HNRNPUL2: variants seen among roughly 807,000 people sequenced by gnomAD.
HNRNPUL2 encodes heterogeneous nuclear ribonucleoprotein U-like protein 2.
Under a neutral mutation model 102.2 loss-of-function variants are expected in HNRNPUL2, and 27 were observed. The observed-to-expected ratio is 0.26, with a 90% CI of 0.19 to 0.36. The LOEUF (loss-of-function observed/expected upper bound fraction) is 0.36. HNRNPUL2 is among the 10% of genes least tolerant of loss of function. HNRNPUL2 has a pLI of 1.00. For synonymous variants in HNRNPUL2, 458 were observed against 387.2 expected (o/e 1.18, Z -2.15); for missense variants, 936 against 981.1 (o/e 0.95, Z 0.61).
At position 62,726,963 on chromosome 11, in the gene HNRNPUL2, G is replaced by A. The variant is rs2083757845; in HGVS notation, c.194C>T (p.Ala65Val). ...CCCGCCCGGGCCGCCGCCCGACGCG[G>A]CCACAGGCCGAGGCTCCGCCTTGCA... ...GACKAEPRPVAASGGGPGGDE... is the reference protein window; with the variant it reads ...GACKAEPRPVVASGGGPGGDE... The change falls in exon 1 of 14, where the codon GCC becomes GTC. Residue 65 changes from alanine (A) to valine (V), a missense_variant. Physicochemically the swap from Ala to Val is moderately conservative, Grantham distance 64. Around this residue, in one of 2 missense-constraint regions of HNRNPUL2, gnomAD observed 327 missense variants for 268.1 expected, o/e 1.22. Coordinates refer to ENST00000301785, the MANE Select transcript of HNRNPUL2 (RefSeq NM_001079559.3). 1.4e-6 allele frequency: 2 copies of A among 1,446,938 alleles called. No homozygotes were observed. The highest frequency in any genetic ancestry group is 1.4e-5 in the South Asian group (1 of 72,832). The allele number at this position is 1,446,938 out of a possible 1,614,324, so 89.6% of individuals were successfully genotyped here. A position where few individuals can be genotyped will look rare whatever the true frequency, so the allele number is the denominator to read the frequency against.
chr11:62,717,748 C>T (rs543688108), intron 10 of HNRNPUL2, among the ~76,000 whole-genome samples: 1 of 152,134 alleles, frequency 6.6e-6, no homozygotes, highest in South Asian at 2.1e-4. Context: ...CCCAGCTACT[C>T]GGGAGGCTGA....
In HNRNPUL2 at chr11:62,713,681, AG is replaced by A. The variant is rs1267423312; in HGVS notation, c.*1617del. The stretch of plus-strand genomic sequence containing the variant: ...AGGGCAGTAACAGTGGGAGGAGGAG[AG>A]GAAGACCAAATCAGCCCACAATTTT... On this transcript the variant is annotated 3_prime_UTR_variant, in exon 14 of 14. Transcript: ENST00000301785. 6.6e-6 allele frequency: 1 copy of A among 152,302 alleles called. No homozygotes were observed. Among genetic ancestry groups the A allele is most frequent in the Non-Finnish European group, 1.5e-5 (1 of 68,112 alleles). The allele number at this position is 152,302 out of a possible 1,614,324, so 9.4% of individuals were successfully genotyped here. A position where few individuals can be genotyped will look rare whatever the true frequency, so the allele number is the denominator to read the frequency against.
At chr11:62,717,281 C>CA in intron 10 of HNRNPUL2, 92 bp from the exon 11 acceptor site, 1 of 919,012 alleles carries the variant, frequency 1.1e-6, no homozygotes, top group Non-Finnish European at 1.7e-6. Flanking sequence ...ATATGACTTT[C>CA]TATGCCTCAT....
Position 62,717,080 on chromosome 11 carries a change from C to T in HNRNPUL2, c.1890G>A (p.Arg630=), listed in dbSNP as rs1344229436. 6 of 1,614,068 alleles carry T rather than the reference C, an allele frequency of 3.7e-6. No individual in the cohort carries two copies. The highest frequency in any genetic ancestry group is 5.1e-6 in the Non-Finnish European group (6 of 1,180,048). Residue 630 remains arginine, a synonymous_variant, in exon 11 of 14, where the codon AGG becomes AGA. Coordinates refer to ENST00000301785, the MANE Select transcript of HNRNPUL2 (RefSeq NM_001079559.3). The part of the protein sequence containing the change: ...PIVTKYKEEA[R]KLLPPSEKRT... ...GCTTCTCGGAGGGGGGCAGAAGCTT[C>T]CTTGCCTCCTCCTTGTACTTAGTGA...
Position 62,722,352 on chromosome 11 carries a change from G to T in HNRNPUL2, c.1124C>A (p.Ser375Tyr). 1 of 1,613,770 alleles carries T rather than the reference G, an allele frequency of 6.2e-7. No homozygotes were observed. Among genetic ancestry groups the T allele is most frequent in the South Asian group, 1.1e-5 (1 of 91,068 alleles). ...ANFETEEVEL[S>Y]FSKNGEDLGV... is the part of the protein sequence containing the mutation. ...TAGGTCTTCTCCATTCTTGGAGAAG[G>T]AAAGTTCTACTTCTTCAGTCTCAAA... The change falls in exon 7 of 14, where the codon TCC (serine) becomes TAC (tyrosine). Residue 375 changes from serine (S) to tyrosine (Y), a missense_variant. Ser to Tyr is a moderately radical substitution (Grantham distance 144). Coordinates refer to ENST00000301785, the MANE Select transcript of HNRNPUL2 (RefSeq NM_001079559.3).
In HNRNPUL2 at chr11:62,715,584, T is replaced by G. The variant is rs377478883; in HGVS notation, c.2079A>C (p.Arg693=). The G allele has an allele frequency of 6.2e-7, 1 of 1,613,124 alleles. No homozygotes were observed. The highest frequency in any genetic ancestry group is 8.5e-7 in the Non-Finnish European group (1 of 1,179,262). The change falls in exon 13 of 14, where the codon CGA becomes CGC. Residue 693 remains arginine (R), a synonymous_variant. Coordinates refer to ENST00000301785, the MANE Select transcript of HNRNPUL2 (RefSeq NM_001079559.3). ...AAAATCGATCATAGTCTCCCCTGTA[T>G]CGATCATAGAAATTACGGTAACCCT... ...NRGGYRNFYD[R]YRGDYDRFYG... is the part of the protein sequence containing the mutation.
rs1205078272 is a variant in HNRNPUL2, at chr11:62,714,027, G to GAA, written c.*1270_*1271dup. ...ACACACAGGGAAAGCGCCCCAAAAG[G>GAA]AATTTTGTTTCTAGAAGTCGGGAAG... On this transcript the variant is annotated 3_prime_UTR_variant, in exon 14 of 14. Transcript: ENST00000301785. 4 of 152,262 alleles carry GAA rather than the reference G, an allele frequency of 2.6e-5. No homozygotes were observed. The East Asian group carries it at 5.8e-4, about 22-fold the overall frequency. 9.4% of individuals were successfully genotyped at this position (152,262 alleles called of 1,614,324 possible).
chr11:62,717,111 G>C lies in HNRNPUL2; in HGVS notation c.1859C>G (p.Pro620Arg), dbSNP rs374233501. 1 of 1,614,080 alleles carries C rather than the reference G, an allele frequency of 6.2e-7. No homozygotes were observed. The highest frequency in any genetic ancestry group is 8.5e-7 in the Non-Finnish European group (1 of 1,180,010). ...CTCCTCCTTGTACTTAGTGACAATGGGCTGAGCTTCCTCCTTCTCCAGCTC... is the reference window on the plus strand; with the variant it reads ...CTCCTCCTTGTACTTAGTGACAATGCGCTGAGCTTCCTCCTTCTCCAGCTC... The part of the protein sequence containing the change: ...YGELEKEEAQ[P>R]IVTKYKEEAR... Residue 620 changes from proline to arginine, a missense_variant, in exon 11 of 14, where the codon CCC becomes CGC. Physicochemically the swap from Pro to Arg is moderately radical, Grantham distance 103. Around this residue, in one of 2 missense-constraint regions of HNRNPUL2, gnomAD observed 609 missense variants for 713.0 expected, o/e 0.85. Transcript: ENST00000301785.
Position 62,722,594 on chromosome 11 carries a change from C to T in HNRNPUL2, c.1095+7G>A. Reference sequence around the variant, plus strand: ...TGTTATAACCCACAACTTTCAGGAGCACTTACAGCAAAGCAGCCAATAACA... The same window carrying T: ...TGTTATAACCCACAACTTTCAGGAGTACTTACAGCAAAGCAGCCAATAACA... On this transcript the variant is annotated splice_region_variant and intron_variant, in intron 6 of 13. Transcript: ENST00000301785. The T allele has an allele frequency of 6.2e-7, 1 of 1,605,218 alleles. No homozygotes were observed. The highest frequency in any genetic ancestry group is 1.1e-5 in the South Asian group (1 of 90,900).
chr11:62,720,529 T>C (rs1195288259), intron 9 of HNRNPUL2, among the ~76,000 whole-genome samples: 2 of 124,756 alleles, frequency 1.6e-5, no homozygotes, highest in African/African-American at 3.4e-5. Context: ...GGGTGGCGGC[T>C]GAGCAAGATT....
In HNRNPUL2 at chr11:62,717,043, G is replaced by C; in HGVS notation, c.1927C>G (p.Arg643Gly). Residue 643 changes from arginine (R) to glycine (G), a missense_variant, in exon 11 of 14, where the codon CGA (arginine) becomes GGA (glycine). By Grantham distance (125) the Arg-to-Gly change is moderately radical. Transcript: ENST00000301785. The part of the protein sequence containing the change: ...LPPSEKRTNR[R>G]NNRNKRNRQN... ...CGGTTACGCTTGTTTCGGTTGTTTC[G>C]GCGATTTGTCCGCTTCTCGGAGGGG... 1 of 1,613,908 alleles carries C rather than the reference G, an allele frequency of 6.2e-7. No homozygotes were observed. The highest frequency in any genetic ancestry group is 8.5e-7 in the Non-Finnish European group (1 of 1,180,004).
At position 62,727,347 on chromosome 11, in the gene HNRNPUL2, C is replaced by A. The variant is rs373065216; in HGVS notation, c.-191G>T. On this transcript the variant is annotated 5_prime_UTR_variant, in exon 1 of 14. Coordinates refer to ENST00000301785, the MANE Select transcript of HNRNPUL2 (RefSeq NM_001079559.3). ...CGCTGCGCAGTGTTTGCTTCTCCTT[C>A]GTCTCCCCTCCCCCTTTCGGCTCAC... The A allele has an allele frequency of 1.6e-6, 1 of 637,506 alleles. No individual in the cohort carries two copies. The highest frequency in any genetic ancestry group is 2.2e-6 in the Non-Finnish European group (1 of 457,278). 39.5% of individuals were successfully genotyped at this position (637,506 alleles called of 1,614,324 possible).
In HNRNPUL2 at chr11:62,720,546, CAAAAAA is replaced by C. The variant is rs148876571; in HGVS notation, c.1612-361_1612-356del. Among the ~76,000 whole-genome samples, 1,251 of 130,804 alleles carry C rather than the reference CAAAAAA, an allele frequency of 9.6e-3. 8 individuals are homozygous for C. The highest frequency in any genetic ancestry group is 0.039 in the African/African-American group (1,189 of 30,650). 85.8% of individuals were successfully genotyped at this position (130,804 alleles called of 152,430 possible). A position where few individuals can be genotyped will look rare whatever the true frequency, so the allele number is the denominator to read the frequency against. On this transcript the variant is annotated intron_variant, in intron 9 of 13. Transcript: ENST00000301785. ...GTGGCGGCTGAGCAAGATTCCATCT[CAAAAAA>C]AAAAAAAAAAAAAAAAAAAAAAGGC...
Position 62,727,342 on chromosome 11 carries a change from T to A in HNRNPUL2, c.-186A>T. ...GGTCCCGCTGCGCAGTGTTTGCTTC[T>A]CCTTCGTCTCCCCTCCCCCTTTCGG... On this transcript the variant is annotated 5_prime_UTR_variant, in exon 1 of 14. Coordinates refer to ENST00000301785, the MANE Select transcript of HNRNPUL2 (RefSeq NM_001079559.3). 1 of 667,824 alleles carries A rather than the reference T, an allele frequency of 1.5e-6. No homozygotes were observed. Among genetic ancestry groups the A allele is most frequent in the Non-Finnish European group, 2.1e-6 (1 of 484,558 alleles). 41.4% of individuals were successfully genotyped at this position (667,824 alleles called of 1,614,324 possible).
intron 13 of HNRNPUL2, 54 bp from the exon 14 acceptor site, chr11:62,715,433 A>AG: frequency 6.3e-7 from 1 of 1,575,896 alleles, no homozygotes; most frequent in Non-Finnish European, 8.7e-7. Context: ...GAGGATGAAG[A>AG]GGCATAACAC....
rs755246 is a variant in HNRNPUL2 at position 62,715,914 on chromosome 11, C to T, written c.2005G>A (p.Asp669Asn). 30 of 1,610,358 alleles carry T rather than the reference C, an allele frequency of 1.9e-5. No homozygotes were observed. Among genetic ancestry groups the T allele is most frequent in the South Asian group, 4.4e-5 (4 of 90,824 alleles). ...GYVGGQRRGY[D>N]NRAYGQQYWG... ...TACTGCTGCCCGTAGGCCCGGTTGT[C>T]GTAGCCTCGGCGCTGCCCGCCCACT... Residue 669 changes from aspartate to asparagine, a missense_variant, in exon 12 of 14, where the codon GAC becomes AAC. By Grantham distance (23) the Asp-to-Asn change is conservative. This residue lies in a region of HNRNPUL2 where 609 missense variants were observed against 713.0 expected (regional missense o/e 0.85). Transcript: ENST00000301785.
chr11:62,716,916 C>T, intron 11 of HNRNPUL2, 73 bp downstream of exon 11: 1 of 1,537,254 alleles, frequency 6.5e-7, no homozygotes, highest in South Asian at 1.1e-5. Context: ...CCTTGGCCTT[C>T]CCTTGCACAT....
Position 62,714,195 on chromosome 11 carries a change from C to G in HNRNPUL2, c.*1104G>C, listed in dbSNP as rs79417283. 5 of 138,684 alleles carry G rather than the reference C, an allele frequency of 3.6e-5. No individual in the cohort carries two copies. Among genetic ancestry groups the G allele is most frequent in the African/African-American group, 1.3e-4 (5 of 37,582 alleles). 8.6% of individuals were successfully genotyped at this position (138,684 alleles called of 1,614,324 possible). A position where few individuals can be genotyped will look rare whatever the true frequency, so the allele number is the denominator to read the frequency against. The stretch of plus-strand genomic sequence containing the variant: ...TTCTCTACCTGTGTATCAAAAAAAC[C>G]AGCAGGGCACGAGCCCTCCACACTG... On this transcript the variant is annotated 3_prime_UTR_variant, in exon 14 of 14. Coordinates refer to ENST00000301785, the MANE Select transcript of HNRNPUL2 (RefSeq NM_001079559.3).
rs1048632836 is a variant in HNRNPUL2 at position 62,727,309 on chromosome 11, C to T, written c.-153G>A. ...GAGCGCACGCACGCAGGAGCGGAGG[C>T]CGCGCACGGTCCCGCTGCGCAGTGT... On this transcript the variant is annotated 5_prime_UTR_variant, in exon 1 of 14. Coordinates refer to ENST00000301785, the MANE Select transcript of HNRNPUL2 (RefSeq NM_001079559.3). 14 of 975,910 alleles carry T rather than the reference C, an allele frequency of 1.4e-5. No homozygotes were observed. Among genetic ancestry groups the T allele is most frequent in the Non-Finnish European group, 1.2e-5 (9 of 761,654 alleles). The allele number at this position is 975,910 out of a possible 1,614,324, so 60.5% of individuals were successfully genotyped here.
Sources: gnomAD v4.1 joint callset for allele counts (sites outside exome capture counted in the v4.1 genomes callset) on GRCh38, gnomAD v4.1.1 for gene constraint, gnomAD v4.1.1 regional missense constraint, MANE v1.5 for transcripts, NCBI Gene and HGNC (gene_info 2026-07-23, HGNC 2026-07-21) for gene names.